AOPEP: variants seen among roughly 807,000 people sequenced by gnomAD.
The protein encoded by AOPEP is aminopeptidase O (putative).
Under a neutral mutation model 98.1 loss-of-function variants are expected in AOPEP, and 77 were observed. The ratio of observed to expected loss-of-function variants is 0.78; its 90% CI spans 0.65 to 0.95. The LOEUF is 0.95. Ranked by LOEUF, AOPEP falls within the 40% of genes least tolerant of loss-of-function variation. The pLI is 0.00. For missense variants in AOPEP, 1,024 were observed against 1,024.7 expected, an observed-to-expected ratio of 1.00 and a Z score of 0.01; for synonymous variants, 346 against 365.3, an observed-to-expected ratio of 0.95 and a Z score of 0.60.
intron 8 of AOPEP, among the ~76,000 whole-genome samples, chr9:94,955,536 C>T (rs2058390732): frequency 6.6e-6 from 1 of 152,218 alleles, no homozygotes; most frequent in African/African-American, 2.4e-5. Context: ...GAGCAGAACT[C>T]TCACTTTGCT....
chr9:95,134,146 G>A, the AOPEP span, among the ~76,000 whole-genome samples: 1 of 152,180 alleles, frequency 6.6e-6, no homozygotes, highest in African/African-American at 2.4e-5. Context: ...TATGCACATC[G>A]CCCTGGGAGG....
intron 11 of AOPEP, among the ~76,000 whole-genome samples, chr9:94,983,829 C>T (rs2060343803): frequency 6.6e-6 from 1 of 152,038 alleles, no homozygotes; most frequent in African/African-American, 2.4e-5. Flanking sequence ...CTCTCTGTAT[C>T]TGTCCCATGC....
intron 7 of AOPEP, among the ~76,000 whole-genome samples, chr9:94,946,847 C>T (rs557693847): frequency 5.9e-5 from 9 of 152,216 alleles, no homozygotes; most frequent in African/African-American, 1.2e-4. Flanking sequence ...TGCTTTGAGG[C>T]GCCACCCATG....
chr9:94,810,298 T>G (rs931765269), intron 5 of AOPEP, among the ~76,000 whole-genome samples: 10 of 151,572 alleles, frequency 6.6e-5, no homozygotes, highest in Non-Finnish European at 4.4e-5. Context: ...CCCCTACATT[T>G]GATTTAATCA....
At chr9:95,070,619 T>C (rs942091459) in intron 14 of AOPEP, among the ~76,000 whole-genome samples, 1 of 152,282 alleles carries the variant, frequency 6.6e-6, no homozygotes, top group Admixed American at 6.5e-5. Context: ...TACTATGTGC[T>C]GGGCATTGCG....
rs547915831 is a variant in AOPEP at position 94,778,763 on chromosome 9, C to G, written c.964+5595C>G. ...ACATTTATGGCCAGGCGTGGTGGCT[C>G]ACACCTGTAATCCCAACACTTTGAG... On this transcript the variant is annotated intron_variant, in intron 3 of 16. Transcript: ENST00000375315. Among the ~76,000 whole-genome samples the G allele has an allele frequency of 5.9e-5, 9 of 152,246 alleles. No individual in the cohort carries two copies. The East Asian group carries it at 1.7e-3, about 29-fold the overall frequency.
rs1336047590 is a variant in AOPEP at position 94,979,430 on chromosome 9, A to T, written c.1977+3A>T. On this transcript the variant is annotated splice_donor_region_variant and intron_variant, in intron 11 of 16. Transcript: ENST00000375315. The stretch of plus-strand genomic sequence containing the variant: ...TTGAGAGTTCCGGAATACCAAAGGT[A>T]ACTCAAGATAACCACTTTGGTAGAA... The T allele has an allele frequency of 3.8e-6, 6 of 1,583,730 alleles. No individual in the cohort carries two copies. Among genetic ancestry groups the T allele is most frequent in the Non-Finnish European group, 5.2e-6 (6 of 1,157,294 alleles).
chr9:94,954,702 T>C (rs2058337230), intron 7 of AOPEP, among the ~76,000 whole-genome samples: 1 of 152,196 alleles, frequency 6.6e-6, no homozygotes, highest in South Asian at 2.1e-4. Context: ...CCTTTTTTTG[T>C]AATTCTAATA....
intron 13 of AOPEP, among the ~76,000 whole-genome samples, chr9:95,008,735 A>G (rs2062242984): frequency 6.6e-6 from 1 of 152,130 alleles, no homozygotes. Context: ...CCACCAGAGA[A>G]TTGTGCCATC....
chr9:94,906,483 A>AATAATAATAATT (rs138384769), intron 5 of AOPEP, among the ~76,000 whole-genome samples: 7 of 145,756 alleles, frequency 4.8e-5, no homozygotes, highest in African/African-American at 1.7e-4. Context: ...TAATAATAAT[A>AATAATAATAATT]AAAAAACAGA....
At chr9:94,965,005 A>C (rs2059103570) in intron 9 of AOPEP, among the ~76,000 whole-genome samples, 1 of 152,230 alleles carries the variant, frequency 6.6e-6, no homozygotes, top group South Asian at 2.1e-4. Flanking sequence ...ATTAATCTAC[A>C]AAGTTATCTA....
In AOPEP at chr9:95,055,018, G is replaced by A. The variant is rs566207319; in HGVS notation, c.2116-5676G>A. Among the ~76,000 whole-genome samples the A allele has an allele frequency of 1.2e-4, 19 of 152,220 alleles. No individual in the cohort carries two copies. In the South Asian group the frequency reaches 3.9e-3, roughly 32 times the overall value. On this transcript the variant is annotated intron_variant, in intron 13 of 16. Transcript: ENST00000375315. ...TCGGCAATTCTTTAAAATATGTTAAGTTTTTGCTTCAACATATAAAGGTTT... is the reference window on the plus strand; with the variant it reads ...TCGGCAATTCTTTAAAATATGTTAAATTTTTGCTTCAACATATAAAGGTTT...
At chr9:94,952,892 A>G (rs1342943025) in intron 7 of AOPEP, among the ~76,000 whole-genome samples, 1 of 152,258 alleles carries the variant, frequency 6.6e-6, no homozygotes, top group Non-Finnish European at 1.5e-5. Flanking sequence ...GAAGAGAGTT[A>G]GAGAGGGATG....
At chr9:95,082,882 G>A in intron 16 of AOPEP, 163 bp downstream of exon 16, 1 of 747,350 alleles carries the variant, frequency 1.3e-6, no homozygotes. Flanking sequence ...TGGGTGCTGG[G>A]CTGGTATGGG....
chr9:94,892,286 G>T (rs2048964235), intron 5 of AOPEP, among the ~76,000 whole-genome samples: 1 of 152,114 alleles, frequency 6.6e-6, no homozygotes, highest in East Asian at 1.9e-4. Context: ...AGACCTTTAT[G>T]ATATGAATTT....
At position 94,760,184 on chromosome 9, in the gene AOPEP, CAGGGAA is replaced by C. The variant is rs764264817; in HGVS notation, c.402_407del (p.Gly135_Asn136del). On this transcript the variant is annotated inframe_deletion, in exon 2 of 17. Transcript: ENST00000375315. Reference sequence around the variant, plus strand: ...TCTAGCTCAAAGTACTGCTGTGACACAGGGAATCATGGGAGTGAGGATTTTTTGCTA... The same window carrying C: ...TCTAGCTCAAAGTACTGCTGTGACACTCATGGGAGTGAGGATTTTTTGCTA... The C allele has an allele frequency of 6.2e-7, 1 of 1,614,154 alleles. No homozygotes were observed. Among genetic ancestry groups the C allele is most frequent in the Admixed American group, 1.7e-5 (1 of 60,016 alleles).
At position 94,976,582 on chromosome 9, in the gene AOPEP, C is replaced by T. The variant is rs553899398; in HGVS notation, c.1917-2785C>T. On this transcript the variant is annotated intron_variant, in intron 10 of 16. Coordinates refer to ENST00000375315, the MANE Select transcript of AOPEP (RefSeq NM_001193329.3). ...ACTATTGCTCTCTCTAAGTCCTTTCCAAATTCTGCATCTTCCTCTTAAATA... is the reference window on the plus strand; with the variant it reads ...ACTATTGCTCTCTCTAAGTCCTTTCTAAATTCTGCATCTTCCTCTTAAATA... Among the ~76,000 whole-genome samples, 9 of 152,216 alleles carry T rather than the reference C, an allele frequency of 5.9e-5. No homozygotes were observed. The South Asian group carries it at 1.7e-3, about 28-fold the overall frequency.
chr9:95,033,286 T>C (rs2064483315), intron 13 of AOPEP, among the ~76,000 whole-genome samples: 1 of 152,182 alleles, frequency 6.6e-6, no homozygotes, highest in Admixed American at 6.5e-5. Context: ...TCCACCTGTT[T>C]GTTCTGGTGC....
the AOPEP span, chr9:95,110,373 CAT>C: frequency 2.9e-6 from 3 of 1,022,656 alleles, no homozygotes; most frequent in Non-Finnish European, 3.5e-6. Context: ...CTTTAAAAAC[CAT>C]ATGTGCCCCG....
Sources: gnomAD v4.1 joint callset for allele counts (sites outside exome capture counted in the v4.1 genomes callset) on GRCh38, gnomAD v4.1.1 for gene constraint, MANE v1.5 for transcripts, NCBI Gene and HGNC (gene_info 2026-07-23, HGNC 2026-07-21) for gene names.